SETX: variants seen among roughly 807,000 people sequenced by gnomAD.
SETX encodes the protein helicase senataxin.
A neutral mutation model predicts 227.2 loss-of-function variants in SETX; 90 were observed. The ratio of observed to expected loss-of-function variants is 0.40; its 90% CI spans 0.33 to 0.47. SETX has a LOEUF of 0.47. SETX is among the 20% of genes least tolerant of loss of function. The probability of loss-of-function intolerance (pLI) is 0.91; values close to 1 mark genes in which losing one functional copy is unlikely to be tolerated. For synonymous variants in SETX, 1,210 were observed against 1,113.2 expected (o/e 1.09, Z -1.73); for missense variants, 3,052 against 3,181.5 (o/e 0.96, Z 0.98).
At chr9:132,350,178 C>T (rs540660810) in intron 2 of SETX, among the ~76,000 whole-genome samples, 2 of 152,256 alleles carry the variant, frequency 1.3e-5, no homozygotes, top group Admixed American at 6.5e-5. Flanking sequence ...CATGGTGAAA[C>T]CCCATCTCTA....
chr9:132,282,201 C>T (rs758927383), intron 19 of SETX, among the ~76,000 whole-genome samples: 36 of 151,750 alleles, frequency 2.4e-4, no homozygotes, highest in Non-Finnish European at 4.4e-4. Flanking sequence ...ATCCTAGATG[C>T]GTGCTTTTTG....
Position 132,262,602 on chromosome 9 carries a change from AG to A in SETX, c.*1636del, listed in dbSNP as rs1431968726. Reference sequence around the variant, plus strand: ...GCTGACTCTGGGGACAAAGCACTCCAGGAAGTCACCTGCTCCCTGGGTTTCA... The same window carrying A: ...GCTGACTCTGGGGACAAAGCACTCCAGAAGTCACCTGCTCCCTGGGTTTCA... On this transcript the variant is annotated 3_prime_UTR_variant, in exon 26 of 26. Transcript: ENST00000224140. The A allele has an allele frequency of 2.0e-5, 3 of 152,642 alleles. No homozygotes were observed. The highest frequency in any genetic ancestry group is 4.8e-5 in the African/African-American group (2 of 41,448). 9.5% of individuals were successfully genotyped at this position (152,642 alleles called of 1,614,324 possible).
chr9:132,336,126 A>G (rs1007199473), intron 6 of SETX, among the ~76,000 whole-genome samples, 170 bp downstream of exon 6: 1 of 152,114 alleles, frequency 6.6e-6, no homozygotes, highest in African/African-American at 2.4e-5. Context: ...GCCTGTAATC[A>G]CAGCTACTCG....
rs144410940 is a variant in SETX, at chr9:132,328,828, C to T, written c.2770G>A (p.Asp924Asn). Residue 924 changes from aspartate to asparagine, a missense_variant, in exon 10 of 26, where the codon GAT becomes AAT. This residue lies in a region of SETX where 1,483 missense variants were observed against 1,312.0 expected (regional missense o/e 1.13). Transcript: ENST00000224140. ...CTGGTACTATTACTCATCTCCTCAT[C>T]TCTTGATTCAGGTACAGTCATAAGA... ...KDLMTVPESRDEEMSNSTSVI... is the reference protein window; with the variant it reads ...KDLMTVPESRNEEMSNSTSVI... 1 of 1,612,908 alleles carries T rather than the reference C, an allele frequency of 6.2e-7. No homozygotes were observed. The highest frequency in any genetic ancestry group is 1.3e-5 in the African/African-American group (1 of 74,974).
intron 25 of SETX, among the ~76,000 whole-genome samples, chr9:132,267,963 C>G (rs761375203): frequency 6.6e-6 from 1 of 152,170 alleles, no homozygotes; most frequent in Non-Finnish European, 1.5e-5. Context: ...TTAATCAAGG[C>G]ATCACTAAAA....
intron 2 of SETX, among the ~76,000 whole-genome samples, chr9:132,352,728 A>G (rs1456968882): frequency 6.6e-6 from 1 of 152,216 alleles, no homozygotes; most frequent in Non-Finnish European, 1.5e-5. Context: ...TCAATATCCA[A>G]CTGCATACAG....
At chr9:132,317,892 A>C (rs1846084687) in intron 10 of SETX, among the ~76,000 whole-genome samples, 1 of 152,054 alleles carries the variant, frequency 6.6e-6, no homozygotes, top group Non-Finnish European at 1.5e-5. Context: ...GTATACACTT[A>C]TTCAGTTATA....
At chr9:132,352,703 GA>G (rs2131588689) in intron 2 of SETX, among the ~76,000 whole-genome samples, 1 of 152,316 alleles carries the variant, frequency 6.6e-6, no homozygotes, top group Admixed American at 6.5e-5. Flanking sequence ...GCCTAGCCTA[GA>G]ACTCCAGATA....
chr9:132,290,516 G>A (rs1189467995), intron 15 of SETX, among the ~76,000 whole-genome samples: 9 of 148,328 alleles, frequency 6.1e-5, no homozygotes, highest in Admixed American at 4.0e-4. Context: ...TGGAGGTTGC[G>A]GTGAGCTGAA....
intron 10 of SETX, among the ~76,000 whole-genome samples, chr9:132,318,633 G>T (rs1037306875): frequency 3.3e-5 from 5 of 152,130 alleles, no homozygotes; most frequent in African/African-American, 4.8e-5. Flanking sequence ...CAATAATTCA[G>T]CCCTAGGGAT....
At chr9:132,353,286 T>C (rs1281549765) in intron 2 of SETX, among the ~76,000 whole-genome samples, 1 of 152,192 alleles carries the variant, frequency 6.6e-6, no homozygotes, top group Non-Finnish European at 1.5e-5. Flanking sequence ...CCTGCCTTTA[T>C]GGAAGCTCTT....
At chr9:132,277,936 T>C (rs1843259043) in intron 21 of SETX, 134 bp downstream of exon 21, 5 of 887,962 alleles carry the variant, frequency 5.6e-6, no homozygotes, top group South Asian at 3.0e-5. Flanking sequence ...ATGGCTATTA[T>C]AACAGGACAA....
intron 5 of SETX, among the ~76,000 whole-genome samples, chr9:132,341,869 C>G (rs483111): frequency 1.3e-5 from 2 of 152,112 alleles, no homozygotes; most frequent in African/African-American, 4.8e-5. Flanking sequence ...TTTATTACTT[C>G]ATGTTTCTGT....
intron 24 of SETX, among the ~76,000 whole-genome samples, chr9:132,271,459 G>T (rs1842899872): frequency 6.6e-6 from 1 of 152,152 alleles, no homozygotes; most frequent in Non-Finnish European, 1.5e-5. Context: ...CAGCTACTCG[G>T]GAGGCTGATG....
rs377301250 is a variant in SETX, at chr9:132,330,160, C to A, written c.1438G>T (p.Val480Leu). Residue 480 changes from valine to leucine, a missense_variant, in exon 10 of 26, where the codon GTA becomes TTA. Physicochemically the swap from Val to Leu is conservative, Grantham distance 32. Around this residue, in one of 10 missense-constraint regions of SETX, gnomAD observed 179 missense variants for 197.1 expected, o/e 0.91. Coordinates refer to ENST00000224140, the MANE Select transcript of SETX (RefSeq NM_015046.7). Reference sequence around the variant, plus strand: ...GCTTCCACCCATTGCTGGGAACTTACCCACAGCAAATGCAAACATTTTTTA... The same window carrying A: ...GCTTCCACCCATTGCTGGGAACTTAACCACAGCAAATGCAAACATTTTTTA... ...RNKKCLHLLW[V>L]SSQQWVEAVV... The A allele has an allele frequency of 1.6e-5, 26 of 1,600,936 alleles. No individual in the cohort carries two copies. The highest frequency in any genetic ancestry group is 2.2e-5 in the Non-Finnish European group (26 of 1,171,614).
At position 132,283,406 on chromosome 9, in the gene SETX, C is replaced by T. The variant is rs772481980; in HGVS notation, c.6404G>A (p.Gly2135Glu). 2 of 1,614,012 alleles carry T rather than the reference C, an allele frequency of 1.2e-6. No homozygotes were observed. The highest frequency in any genetic ancestry group is 1.7e-6 in the Non-Finnish European group (2 of 1,180,028). The stretch of plus-strand genomic sequence containing the variant: ...GATACTCTGTGTTTTCTGTGGGCGT[C>T]CTTGAACCTAAGAGAACAAAGGTTA... ...ELASKIKEVQ[G>E]RPQKTQSIII... Residue 2135 changes from glycine to glutamate, a missense_variant, in exon 19 of 26, where the codon GGA becomes GAA. Gly to Glu is a moderately conservative substitution (Grantham distance 98, BLOSUM62 -2). This residue lies in a region of SETX where 412 missense variants were observed against 589.0 expected (regional missense o/e 0.70). Transcript: ENST00000224140.
rs781730483 is a variant in SETX, at chr9:132,275,274, T to G, written c.7082A>C (p.Lys2361Thr). ...GCCTCACCCTTTTCTATCGAACTCT[T>G]TGTCCAAATCCTTCTGAATCATCGT... ...QKTMIQKDLDKEFDRKGPAEV... is the reference protein window; with the variant it reads ...QKTMIQKDLDTEFDRKGPAEV... The change falls in exon 23 of 26, where the codon AAA (lysine) becomes ACA (threonine). Residue 2361 changes from lysine (K) to threonine (T), a missense_variant. Around this residue, in one of 10 missense-constraint regions of SETX, gnomAD observed 412 missense variants for 589.0 expected, o/e 0.70. Coordinates refer to ENST00000224140, the MANE Select transcript of SETX (RefSeq NM_015046.7). 6 of 1,614,038 alleles carry G rather than the reference T, an allele frequency of 3.7e-6. No homozygotes were observed. The highest frequency in any genetic ancestry group is 5.1e-6 in the Non-Finnish European group (6 of 1,180,020).
At chr9:132,345,065 C>A (rs1258043602) in intron 4 of SETX, among the ~76,000 whole-genome samples, 1 of 152,014 alleles carries the variant, frequency 6.6e-6, no homozygotes, top group East Asian at 1.9e-4. Flanking sequence ...TACCTCACCC[C>A]CCAAAAGGGG....
chr9:132,306,189 TTACTAA>T (rs1286178566), intron 11 of SETX, among the ~76,000 whole-genome samples: 9 of 152,284 alleles, frequency 5.9e-5, no homozygotes, highest in African/African-American at 1.7e-4. Context: ...CATCTAAGAA[TTACTAA>T]TACTAAGCCA....
Sources: allele counts gnomAD v4.1 joint callset (sites outside exome capture counted in the v4.1 genomes callset), GRCh38; gene constraint gnomAD v4.1.1; regional missense constraint gnomAD v4.1.1; transcripts MANE v1.5; gene names NCBI Gene and HGNC (gene_info 2026-07-23, HGNC 2026-07-21).